The following FBXW7 variants were observed in gnomAD, a reference collection of about 807,000 sequenced individuals.
FBXW7 encodes F-box and WD repeat domain containing 7, also known as F-box/WD repeat-containing protein 7.
A neutral mutation model predicts 86.3 loss-of-function variants in FBXW7; 11 were observed. The observed-to-expected ratio is 0.13, with a 90% CI of 0.08 to 0.21. The LOEUF (loss-of-function observed/expected upper bound fraction) is 0.21, where lower values mean the gene tolerates loss of function less well. Among genes scored for constraint, FBXW7 ranks in the 10% least tolerant of loss-of-function variants. The pLI is 1.00. For synonymous variants in FBXW7, 313 were observed against 297.9 expected, an observed-to-expected ratio of 1.05 and a Z score of -0.52; for missense variants, 488 against 847.4, an observed-to-expected ratio of 0.58 and a Z score of 5.27.
chr4:152,457,408 C>T (rs1200481997), intron 2 of FBXW7, among the ~76,000 whole-genome samples: 2 of 151,942 alleles, frequency 1.3e-5, no homozygotes, highest in Admixed American at 6.6e-5. Context: ...TCTGGGAGGC[C>T]GAGGCAGGCG....
intron 2 of FBXW7, among the ~76,000 whole-genome samples, chr4:152,496,429 C>A (rs1295963253): frequency 6.6e-6 from 1 of 151,870 alleles, no homozygotes; most frequent in Non-Finnish European, 1.5e-5. Flanking sequence ...CAGTGGCTCA[C>A]GCCTATAATC....
chr4:152,528,250 T>C (rs928029622), intron 2 of FBXW7, among the ~76,000 whole-genome samples: 3 of 152,110 alleles, frequency 2.0e-5, no homozygotes, highest in East Asian at 1.9e-4. Context: ...ATCTTCCAGA[T>C]AGAAAGAAAG....
At position 152,535,299 on chromosome 4, in the gene FBXW7, A is replaced by C; in HGVS notation, c.-385T>G. 65 of 274,624 alleles carry C rather than the reference A, an allele frequency of 2.4e-4. No homozygotes were observed. Among genetic ancestry groups the C allele is most frequent in the Middle Eastern group, 9.7e-4 (1 of 1,034 alleles). 17.0% of individuals were successfully genotyped at this position (274,624 alleles called of 1,614,324 possible). ...CCCCCCCGGCCCCGCCGCCCTCGGGACTGGGGCGGGGGAGGGGGGCTCTAG... is the reference window on the plus strand; with the variant it reads ...CCCCCCCGGCCCCGCCGCCCTCGGGCCTGGGGCGGGGGAGGGGGGCTCTAG... On this transcript the variant is annotated 5_prime_UTR_variant, in exon 1 of 14. Transcript: ENST00000281708.
chr4:152,512,785 G>C (rs925011159), intron 2 of FBXW7, among the ~76,000 whole-genome samples: 1 of 152,146 alleles, frequency 6.6e-6, no homozygotes, highest in African/African-American at 2.4e-5. Flanking sequence ...GTTCTTTTGA[G>C]GTAATGAAAA....
chr4:152,412,007 T>G (rs1476664094), intron 3 of FBXW7, 135 bp from the exon 4 acceptor site: 4 of 770,522 alleles, frequency 5.2e-6, no homozygotes, highest in Non-Finnish European at 7.7e-6. Flanking sequence ...ATTAAAATGT[T>G]CTTTAGTAAA....
At chr4:152,393,998 G>A (rs1334500585) in intron 4 of FBXW7, among the ~76,000 whole-genome samples, 3 of 152,036 alleles carry the variant, frequency 2.0e-5, no homozygotes, top group Admixed American at 1.3e-4. Flanking sequence ...TTATATGCAA[G>A]ATGCTACCCT....
intron 2 of FBXW7, among the ~76,000 whole-genome samples, chr4:152,429,415 C>A (rs540045524): frequency 2.0e-5 from 3 of 152,042 alleles, no homozygotes; most frequent in South Asian, 2.1e-4. Flanking sequence ...AGGCTCATGA[C>A]CCTGATGATT....
intron 2 of FBXW7, among the ~76,000 whole-genome samples, chr4:152,488,226 T>G (rs1281711998): frequency 6.6e-6 from 1 of 152,060 alleles, no homozygotes; most frequent in East Asian, 1.9e-4. Flanking sequence ...CCTACTGTTA[T>G]AAGACTGGTG....
intron 2 of FBXW7, among the ~76,000 whole-genome samples, chr4:152,463,346 G>A (rs571049931): frequency 1.2e-4 from 18 of 151,986 alleles, no homozygotes; most frequent in African/African-American, 3.1e-4. Flanking sequence ...CAGAAACTTC[G>A]TTGTAAGTTT....
rs1255058847 is a variant in FBXW7 at position 152,440,123 on chromosome 4, T to C, written c.-119-27594A>G. 2.0e-5 allele frequency among the ~76,000 whole-genome samples: 3 copies of C among 152,296 alleles called. No homozygotes were observed. In the East Asian group the frequency reaches 5.8e-4, roughly 29 times the overall value. On this transcript the variant is annotated intron_variant, in intron 2 of 13. Coordinates refer to ENST00000281708, the MANE Select transcript of FBXW7 (RefSeq NM_001349798.2). Reference sequence around the variant, plus strand: ...AGGCAATAACAAATACAGACTGTAATAGCATAGGTAGAATATGTGGCCTCT... The same window carrying C: ...AGGCAATAACAAATACAGACTGTAACAGCATAGGTAGAATATGTGGCCTCT...
chr4:152,387,708 C>CTTTTT lies in FBXW7; in HGVS notation c.501+23590_501+23594dup, dbSNP rs34073737. Among the ~76,000 whole-genome samples the CTTTTT allele has an allele frequency of 6.8e-4, 77 of 112,794 alleles. 1 individual carries two copies. The highest frequency in any genetic ancestry group is 2.6e-3 in the African/African-American group (73 of 28,176). 74.0% of individuals were successfully genotyped at this position (112,794 alleles called of 152,430 possible). Reference sequence around the variant, plus strand: ...ATCAAAGAAAAAAAACATGGCATACCTTTTTTTTTTTTTTTTTTGAGACTG... The same window carrying CTTTTT: ...ATCAAAGAAAAAAAACATGGCATACCTTTTTTTTTTTTTTTTTTTTTTTGAGACTG... On this transcript the variant is annotated intron_variant, in intron 4 of 13. Transcript: ENST00000281708.
At chr4:152,509,371 T>C (rs1047011745) in intron 2 of FBXW7, among the ~76,000 whole-genome samples, 6 of 150,342 alleles carry the variant, frequency 4.0e-5, no homozygotes, top group Non-Finnish European at 7.4e-5. Context: ...TTCCTGAGTC[T>C]AAAAAAAAAG....
rs149824947 is a variant in FBXW7, at chr4:152,467,292, T to C, written c.-119-54763A>G. On this transcript the variant is annotated intron_variant, in intron 2 of 13. Transcript: ENST00000281708. ...GTTTTATAAGGGGCTTTTCCCCCGA[T>C]TCACTCTGCACTTCTCCTTGCTGTC... 6.5e-4 allele frequency among the ~76,000 whole-genome samples: 99 copies of C among 152,298 alleles called. 1 individual carries two copies. The East Asian group carries it at 0.018, about 28-fold the overall frequency.
chr4:152,411,126 A>C lies in FBXW7; in HGVS notation c.501+177T>G, dbSNP rs1158656317. 3.9e-6 allele frequency: 4 copies of C among 1,030,040 alleles called. No homozygotes were observed. The African/African-American group carries it at 4.9e-5, about 13-fold the overall frequency. The allele number at this position is 1,030,040 out of a possible 1,614,324, so 63.8% of individuals were successfully genotyped here. ...TTTGTACTCAGATTGTCCCATTATC[A>C]GTATTTCTACTTGTAATACTTTCCA... On this transcript the variant is annotated intron_variant, in intron 4 of 13. Transcript: ENST00000281708.
intron 4 of FBXW7, among the ~76,000 whole-genome samples, chr4:152,391,801 T>C (rs1417931739): frequency 6.6e-6 from 1 of 152,146 alleles, no homozygotes; most frequent in African/African-American, 2.4e-5. Flanking sequence ...TGCCAGGTAG[T>C]AGAGTTGAGA....
chr4:152,533,824 T>G (rs1750226586), intron 2 of FBXW7, among the ~76,000 whole-genome samples: 1 of 152,132 alleles, frequency 6.6e-6, no homozygotes, highest in Non-Finnish European at 1.5e-5. Context: ...TTTGAGAAAG[T>G]TTTAAATTAA....
At chr4:152,478,398 A>G (rs1350269257) in intron 2 of FBXW7, among the ~76,000 whole-genome samples, 1 of 152,104 alleles carries the variant, frequency 6.6e-6, no homozygotes, top group African/African-American at 2.4e-5. Context: ...ATGTACCAAA[A>G]TTTCATTTGT....
In FBXW7 at chr4:152,352,778, G is replaced by A. The variant is rs771431470; in HGVS notation, c.502-2654C>T. 42 of 1,600,128 alleles carry A rather than the reference G, an allele frequency of 2.6e-5. No individual in the cohort carries two copies. The African/African-American group carries it at 5.2e-4, about 20-fold the overall frequency. On this transcript the variant is annotated intron_variant, in intron 4 of 13. Coordinates refer to ENST00000281708, the MANE Select transcript of FBXW7 (RefSeq NM_001349798.2). ...AAGAACTCGAGGGAATAATGAGAGA[G>A]AACGGAGAAGATTATTGGAGGAGAC...
In FBXW7 at chr4:152,448,800, C is replaced by A. The variant is rs554192354; in HGVS notation, c.-119-36271G>T. 3.3e-5 allele frequency among the ~76,000 whole-genome samples: 5 copies of A among 152,306 alleles called. No individual in the cohort carries two copies. The East Asian group carries it at 7.7e-4, about 23-fold the overall frequency. On this transcript the variant is annotated intron_variant, in intron 2 of 13. Coordinates refer to ENST00000281708, the MANE Select transcript of FBXW7 (RefSeq NM_001349798.2). ...ACTGGATATTAAAACAGAAGTCTCC[C>A]AGCTACTCTTTAGAAAGAAGGTAAG...
Sources: allele counts gnomAD v4.1 joint callset (sites outside exome capture counted in the v4.1 genomes callset), GRCh38; gene constraint gnomAD v4.1.1; transcripts MANE v1.5; gene names NCBI Gene and HGNC (gene_info 2026-07-23, HGNC 2026-07-21).